Variants in KDM5A observed in about 807,000 individuals in gnomAD.
KDM5A encodes lysine demethylase 5A, also known as lysine-specific demethylase 5A.
In KDM5A, 42 loss-of-function variants were observed where a neutral mutation model predicts 193.5. The ratio of observed to expected loss-of-function variants is 0.22; its 90% CI spans 0.17 to 0.28. The LOEUF (loss-of-function observed/expected upper bound fraction) is 0.28. Ranked by LOEUF, KDM5A falls within the 10% of genes least tolerant of loss-of-function variation. The pLI is 1.00. For missense variants in KDM5A, 1,692 were observed against 2,055.1 expected (o/e 0.82, Z 3.42); for synonymous variants, 796 against 718.1 (o/e 1.11, Z -1.73).
chr12:328,867 C>T lies in KDM5A; in HGVS notation c.1936G>A (p.Glu646Lys). 6.2e-7 allele frequency: 1 copy of T among 1,614,154 alleles called. No homozygotes were observed. The highest frequency in any genetic ancestry group is 8.5e-7 in the Non-Finnish European group (1 of 1,180,038). ...ACAACAGACTCTCTTAATCGTGTTT[C>T]TTCTTCAGTCATGAGAGTCAATTCT... Reference protein sequence around the residue: ...CKELTLMTEEETRLRESVVQM... With the variant: ...CKELTLMTEEKTRLRESVVQM... The change falls in exon 14 of 28, where the codon GAA becomes AAA. Residue 646 changes from glutamate (E) to lysine (K), a missense_variant. Physicochemically the swap from Glu to Lys is moderately conservative, Grantham distance 56. Transcript: ENST00000399788.
intron 24 of KDM5A, among the ~76,000 whole-genome samples, chr12:301,419 G>A (rs1421459611): frequency 2.0e-5 from 3 of 152,114 alleles, no homozygotes; most frequent in Non-Finnish European, 4.4e-5. Flanking sequence ...CAGAACCAAT[G>A]ATAAAAACCA....
intron 10 of KDM5A, among the ~76,000 whole-genome samples, chr12:337,906 G>A (rs1943953883): frequency 6.6e-6 from 1 of 152,046 alleles, no homozygotes; most frequent in African/African-American, 2.4e-5. Context: ...ACCTCCCAAA[G>A]TGCTGAGATT....
rs757195037 is a variant in KDM5A, at chr12:311,057, C to T, written c.3044G>A (p.Ser1015Asn). ...AAGCTGCTCCAAATAAGCGTAATTG[C>T]TGCCACTCTGAAAAACCAAAGTAGA... ...TAKVEAIQSG[S>N]NYAYLEQLES... Residue 1015 changes from serine to asparagine, a missense_variant, in exon 21 of 28, where the codon AGC becomes AAC. By Grantham distance (46) the Ser-to-Asn change is conservative. Around this residue, in one of 11 missense-constraint regions of KDM5A, gnomAD observed 965 missense variants for 1,061.0 expected, o/e 0.91. Transcript: ENST00000399788. 2.0e-5 allele frequency: 33 copies of T among 1,614,032 alleles called. No homozygotes were observed. Among genetic ancestry groups the T allele is most frequent in the Non-Finnish European group, 2.8e-5 (33 of 1,180,024 alleles).
At chr12:357,827 C>CAAAAAAAAAAAAAAAAAAA (rs61577928) in intron 5 of KDM5A, among the ~76,000 whole-genome samples, 7 of 29,864 alleles carry the variant, frequency 2.3e-4, no homozygotes, top group African/African-American at 6.0e-4. Context: ...GACTCAGTCT[C>CAAAAAAAAAAAAAAAAAAA]AAAAAAAAAA....
At chr12:334,827 T>C (rs1360609850) in intron 10 of KDM5A, among the ~76,000 whole-genome samples, 1 of 152,194 alleles carries the variant, frequency 6.6e-6, no homozygotes, top group East Asian at 1.9e-4. Context: ...AAATACAATA[T>C]ACATAATCTT....
intron 20 of KDM5A, among the ~76,000 whole-genome samples, chr12:312,217 C>T (rs2137395959): frequency 6.6e-6 from 1 of 152,208 alleles, no homozygotes; most frequent in African/African-American, 2.4e-5. Flanking sequence ...TTATTTCATT[C>T]TGTTTTAAAT....
intron 10 of KDM5A, among the ~76,000 whole-genome samples, chr12:339,166 G>A (rs371635323): frequency 5.2e-5 from 7 of 133,444 alleles, no homozygotes; most frequent in African/African-American, 1.4e-4. Flanking sequence ...CAACAAGAGC[G>A]AAACCCCATC....
chr12:284,511 G>A lies in KDM5A; in HGVS notation c.*945C>T. 2 of 232,666 alleles carry A rather than the reference G, an allele frequency of 8.6e-6. No homozygotes were observed. Among genetic ancestry groups the A allele is most frequent in the Non-Finnish European group, 1.7e-5 (2 of 117,424 alleles). The allele number at this position is 232,666 out of a possible 1,614,324, so 14.4% of individuals were successfully genotyped here. A position where few individuals can be genotyped will look rare whatever the true frequency, so the allele number is the denominator to read the frequency against. On this transcript the variant is annotated 3_prime_UTR_variant, in exon 28 of 28. Transcript: ENST00000399788. ...GCAAGGCAAAAAGCTGTTATTTGCT[G>A]GTCTTGCTCATGGCCATGCCTGAAG...
At chr12:335,772 T>C (rs976503478) in intron 10 of KDM5A, among the ~76,000 whole-genome samples, 1 of 152,004 alleles carries the variant, frequency 6.6e-6, no homozygotes, top group Non-Finnish European at 1.5e-5. Context: ...CTGGGCACGG[T>C]GGCTCACATC....
chr12:280,113 T>C lies in KDM5A; in HGVS notation c.*5343A>G, dbSNP rs540605210. ...AAGTAGAAATACACTTTACAGAACA[T>C]ACAAGTGAGAAGGGGTGAAGAGAGT... On this transcript the variant is annotated 3_prime_UTR_variant, in exon 28 of 28. Transcript: ENST00000399788. The C allele has an allele frequency of 7.9e-5, 18 of 228,256 alleles. No homozygotes were observed. Among genetic ancestry groups the C allele is most frequent in the Non-Finnish European group, 1.2e-4 (14 of 114,896 alleles). 14.1% of individuals were successfully genotyped at this position (228,256 alleles called of 1,614,324 possible).
chr12:311,121 T>C (rs1024510769), intron 20 of KDM5A, 57 bp from the exon 21 acceptor site: 4 of 1,522,486 alleles, frequency 2.6e-6, no homozygotes, highest in South Asian at 2.3e-5. Flanking sequence ...TTTGGCAATA[T>C]ACTGTTGAAA....
rs1591924139 is a variant in KDM5A at position 346,676 on chromosome 12, T to A, written c.1308+3945A>T. The stretch of plus-strand genomic sequence containing the variant: ...ACCAATGACAAAAACTACATGATTA[T>A]CTCAATAGATGCAGAAAAGGCCTTT... On this transcript the variant is annotated intron_variant, in intron 10 of 27. Coordinates refer to ENST00000399788, the MANE Select transcript of KDM5A (RefSeq NM_001042603.3). Among the ~76,000 whole-genome samples, 5 of 152,292 alleles carry A rather than the reference T, an allele frequency of 3.3e-5. 1 individual carries two copies. The South Asian group carries it at 1.0e-3, about 32-fold the overall frequency.
Position 281,342 on chromosome 12 carries a change from C to A in KDM5A, c.*4114G>T, listed in dbSNP as rs986545256. On this transcript the variant is annotated 3_prime_UTR_variant, in exon 28 of 28. Transcript: ENST00000399788. The stretch of plus-strand genomic sequence containing the variant: ...ACTTGGAGTACTGCAAAAGAAAAAA[C>A]AAACAAGATACAGCTTTCATAACCC... The A allele has an allele frequency of 1.7e-5, 4 of 232,918 alleles. No individual in the cohort carries two copies. Among genetic ancestry groups the A allele is most frequent in the Non-Finnish European group, 3.4e-5 (4 of 117,966 alleles). The allele number at this position is 232,918 out of a possible 1,614,324, so 14.4% of individuals were successfully genotyped here. A position where few individuals can be genotyped will look rare whatever the true frequency, so the allele number is the denominator to read the frequency against.
chr12:333,659 G>T lies in KDM5A; in HGVS notation c.1491-10C>A, dbSNP rs762219949. 5 of 1,613,780 alleles carry T rather than the reference G, an allele frequency of 3.1e-6. No individual in the cohort carries two copies. In the Admixed American group the frequency reaches 8.3e-5, roughly 27 times the overall value. On this transcript the variant is annotated splice_polypyrimidine_tract_variant and intron_variant, in intron 11 of 27. Coordinates refer to ENST00000399788, the MANE Select transcript of KDM5A (RefSeq NM_001042603.3). ...TGTCTTTGGCTCCCCCCTAGCAAAA[G>T]AAGTAACTGTTTAGCTAGGCAGAAC...
chr12:307,451 T>C lies in KDM5A; in HGVS notation c.3930+3A>G. ...AGAAAAAGAATGTAAATCCTAAACT[T>C]GCCTGTAAGTCTGGATTGGCAGCTG... On this transcript the variant is annotated splice_donor_region_variant and intron_variant, in intron 23 of 27. Transcript: ENST00000399788. The surrounding 1 kb of genome is among the most constrained non-coding windows in gnomAD (Gnocchi z 4.3). 1 of 1,612,572 alleles carries C rather than the reference T, an allele frequency of 6.2e-7. No individual in the cohort carries two copies. The highest frequency in any genetic ancestry group is 8.5e-7 in the Non-Finnish European group (1 of 1,179,820).
At chr12:291,429 A>C (rs988510030) in intron 27 of KDM5A, among the ~76,000 whole-genome samples, 1 of 152,168 alleles carries the variant, frequency 6.6e-6, no homozygotes, top group African/African-American at 2.4e-5. Context: ...CTGACAGCCA[A>C]GATCTAGGGT....
At chr12:311,108 G>C (rs1943579939) in intron 20 of KDM5A, 44 bp from the exon 21 acceptor site, 1 of 1,592,882 alleles carries the variant, frequency 6.3e-7, no homozygotes, top group East Asian at 2.2e-5. Context: ...TTCTCTTATG[G>C]GGTTTGGCAA....
At chr12:360,624 C>T (rs1046464224) in intron 5 of KDM5A, among the ~76,000 whole-genome samples, 9 of 152,140 alleles carry the variant, frequency 5.9e-5, no homozygotes, top group South Asian at 2.1e-4. Context: ...TTGGACAGTG[C>T]AGTTTCAATA....
intron 10 of KDM5A, 122 bp from the exon 11 acceptor site, chr12:334,544 C>G: frequency 1.4e-6 from 1 of 718,780 alleles, no homozygotes; most frequent in Non-Finnish European, 2.4e-6. Context: ...TGCATACAAT[C>G]TGTGCTCTTT....
Sources: allele counts gnomAD v4.1 joint callset (sites outside exome capture counted in the v4.1 genomes callset), GRCh38; gene constraint gnomAD v4.1.1; regional missense constraint gnomAD v4.1.1; non-coding constraint Gnocchi (gnomAD v3.1); transcripts MANE v1.5; gene names NCBI Gene and HGNC (gene_info 2026-07-23, HGNC 2026-07-21).